LMBRD2: variants seen among roughly 807,000 people sequenced by gnomAD.
LMBRD2 encodes G protein-coupled receptor-associated protein LMBRD2.
LMBRD2 carries 55 observed loss-of-function variants against 94.4 expected under a neutral mutation model. The observed-to-expected ratio is 0.58, with a 90% CI of 0.47 to 0.73. LMBRD2 has a LOEUF of 0.73. LMBRD2 is among the 30% of genes least tolerant of loss of function. The pLI is 0.00. For missense variants in LMBRD2, 640 were observed against 831.9 expected, an observed-to-expected ratio of 0.77 and a Z score of 2.84; for synonymous variants, 246 against 272.4, an observed-to-expected ratio of 0.90 and a Z score of 0.95.
chr5:36,134,266 T>C (rs1017868333), intron 6 of LMBRD2, among the ~76,000 whole-genome samples: 3 of 152,152 alleles, frequency 2.0e-5, no homozygotes, highest in Non-Finnish European at 2.9e-5. Context: ...TCTTACATTT[T>C]GTAGAGAATA....
At chr5:36,128,440 G>C (rs1164852918) in intron 6 of LMBRD2, among the ~76,000 whole-genome samples, 5 of 152,098 alleles carry the variant, frequency 3.3e-5, no homozygotes, top group Admixed American at 6.5e-5. Flanking sequence ...AAGGCACCAG[G>C]GCCAAGTACA....
chr5:36,117,227 G>A (rs111684037), intron 10 of LMBRD2, among the ~76,000 whole-genome samples: 6 of 152,260 alleles, frequency 3.9e-5, no homozygotes, highest in African/African-American at 1.4e-4. Context: ...CCAGGGCCAA[G>A]TGTGATGGAT....
intron 4 of LMBRD2, among the ~76,000 whole-genome samples, chr5:36,138,832 G>C (rs1290138912): frequency 6.6e-6 from 1 of 152,238 alleles, no homozygotes; most frequent in African/African-American, 2.4e-5. Flanking sequence ...AAATGTGCAT[G>C]CTTCGTTGAA....
In LMBRD2 at chr5:36,122,282, A is replaced by G; in HGVS notation, c.1118T>C (p.Phe373Ser). The change falls in exon 9 of 18, where the codon TTT becomes TCT. Residue 373 changes from phenylalanine to serine, a missense_variant and splice_region_variant. Around this residue, in one of 2 missense-constraint regions of LMBRD2, gnomAD observed 457 missense variants for 642.8 expected, o/e 0.71. Transcript: ENST00000296603. ...RFIQYFYNPT[F>S]EWYWECLLRP... ...GAAATTTATATCAAATTACATACCAAATGTAGGATTATAAAAATATTGGAT... is the reference window on the plus strand; with the variant it reads ...GAAATTTATATCAAATTACATACCAGATGTAGGATTATAAAAATATTGGAT... 1 of 1,576,104 alleles carries G rather than the reference A, an allele frequency of 6.3e-7. No individual in the cohort carries two copies. Among genetic ancestry groups the G allele is most frequent in the Non-Finnish European group, 8.6e-7 (1 of 1,164,408 alleles).
intron 1 of LMBRD2, among the ~76,000 whole-genome samples, chr5:36,146,602 C>T (rs187020192): frequency 4.3e-4 from 65 of 152,170 alleles, no homozygotes; most frequent in African/African-American, 1.3e-3. Context: ...GACTCAAATA[C>T]CTGGCTGCAA....
chr5:36,110,889 A>G (rs1032859013), intron 14 of LMBRD2, among the ~76,000 whole-genome samples: 1 of 152,110 alleles, frequency 6.6e-6, no homozygotes, highest in African/African-American at 2.4e-5. Flanking sequence ...AATGATTCCA[A>G]GACCATACAA....
At chr5:36,123,961 A>T (rs1743946520) in intron 7 of LMBRD2, among the ~76,000 whole-genome samples, 3 of 151,862 alleles carry the variant, frequency 2.0e-5, no homozygotes, top group Admixed American at 6.6e-5. Context: ...ATCCTTATAT[A>T]TTACTCAACC....
chr5:36,128,691 C>T (rs1744065526), intron 6 of LMBRD2, among the ~76,000 whole-genome samples: 1 of 151,994 alleles, frequency 6.6e-6, no homozygotes. Flanking sequence ...TGCCACTGCA[C>T]TCCAGCCTGG....
chr5:36,136,260 G>C lies in LMBRD2; in HGVS notation c.747+49C>G, dbSNP rs752791233. ...AACAAACCAAAAATGACTAAAAGGG[G>C]ATACATATGACTTAGTGACTATTGC... On this transcript the variant is annotated intron_variant, in intron 6 of 17. Transcript: ENST00000296603. 5 of 1,543,504 alleles carry C rather than the reference G, an allele frequency of 3.2e-6. No homozygotes were observed. In the East Asian group the frequency reaches 1.1e-4, roughly 35 times the overall value.
chr5:36,099,101 T>C lies in LMBRD2; in HGVS notation c.*4945A>G, dbSNP rs540020479. On this transcript the variant is annotated 3_prime_UTR_variant, in exon 18 of 18. Transcript: ENST00000296603. The stretch of plus-strand genomic sequence containing the variant: ...AATAATTTGCTTGTGTATTGGTATA[T>C]ATAAAAATCACTGACGGGATCTAGG... The C allele has an allele frequency of 2.6e-5, 4 of 152,190 alleles. No homozygotes were observed. The South Asian group carries it at 6.2e-4, about 24-fold the overall frequency. The allele number at this position is 152,190 out of a possible 1,614,324, so 9.4% of individuals were successfully genotyped here.
intron 4 of LMBRD2, among the ~76,000 whole-genome samples, chr5:36,139,318 A>C (rs1014149043): frequency 2.0e-5 from 3 of 152,212 alleles, no homozygotes; most frequent in African/African-American, 7.2e-5. Context: ...ACAAGCACAG[A>C]AGGGAGGCTG....
intron 8 of LMBRD2, 107 bp downstream of exon 8, chr5:36,122,740 AG>A: frequency 7.6e-7 from 1 of 1,323,560 alleles, no homozygotes; most frequent in Non-Finnish European, 1.0e-6. Context: ...ACGGGATTAA[AG>A]GAAGTTTTAA....
chr5:36,109,049 C>T (rs1743541160), intron 15 of LMBRD2, among the ~76,000 whole-genome samples: 1 of 152,088 alleles, frequency 6.6e-6, no homozygotes, highest in Admixed American at 6.6e-5. Flanking sequence ...TGTATACAAA[C>T]ATAATTAGCC....
At chr5:36,142,655 A>G (rs1299229821) in intron 2 of LMBRD2, 56 bp from the exon 3 acceptor site, 1 of 939,190 alleles carries the variant, frequency 1.1e-6, no homozygotes, top group Non-Finnish European at 1.8e-6. Context: ...CCAAGTACTT[A>G]AAGGACATCA....
rs890300289 is a variant in LMBRD2, at chr5:36,101,062, T to G, written c.*2984A>C. On this transcript the variant is annotated 3_prime_UTR_variant, in exon 18 of 18. Coordinates refer to ENST00000296603, the MANE Select transcript of LMBRD2 (RefSeq NM_001007527.2). ...GATTGTCAAATTTTCTGATCTATTC[T>G]TTATAAAGGGAAAACCCTTGAATCT... The G allele has an allele frequency of 2.0e-5, 3 of 151,980 alleles. No homozygotes were observed. The highest frequency in any genetic ancestry group is 1.3e-4 in the Admixed American group (2 of 15,242). The allele number at this position is 151,980 out of a possible 1,614,324, so 9.4% of individuals were successfully genotyped here.
rs1297536979 is a variant in LMBRD2, at chr5:36,100,229, G to T, written c.*3817C>A. ...CTAAATAAATCTTAAATTTTGGGGG[G>T]GAAATCTATTTTTATGTAAAAATAT... On this transcript the variant is annotated 3_prime_UTR_variant, in exon 18 of 18. Coordinates refer to ENST00000296603, the MANE Select transcript of LMBRD2 (RefSeq NM_001007527.2). The T allele has an allele frequency of 6.6e-6, 1 of 151,942 alleles. No homozygotes were observed. The highest frequency in any genetic ancestry group is 2.1e-4 in the South Asian group (1 of 4,826). 9.4% of individuals were successfully genotyped at this position (151,942 alleles called of 1,614,324 possible).
intron 13 of LMBRD2, among the ~76,000 whole-genome samples, chr5:36,113,595 T>C (rs568527434): frequency 6.6e-6 from 1 of 152,216 alleles, no homozygotes; most frequent in Non-Finnish European, 1.5e-5. Context: ...CTCATTACTG[T>C]AATGTTAGTA....
In LMBRD2 at chr5:36,143,240, C is replaced by T. The variant is rs200304600; in HGVS notation, c.110G>A (p.Gly37Glu). ...GCAGAGATACCAAGCAAGCAGTGTT[C>T]CAATAATCACAAGTCTATGCTGTTT... ...FKKQHRLVII[G>E]TLLAWYLCFL... The change falls in exon 2 of 18, where the codon GGA becomes GAA. Residue 37 changes from glycine to glutamate, a missense_variant. This residue lies in a region of LMBRD2 where 457 missense variants were observed against 642.8 expected (regional missense o/e 0.71). Coordinates refer to ENST00000296603, the MANE Select transcript of LMBRD2 (RefSeq NM_001007527.2). 17 of 1,612,928 alleles carry T rather than the reference C, an allele frequency of 1.1e-5. No homozygotes were observed. The East Asian group carries it at 3.6e-4, about 34-fold the overall frequency.
chr5:36,109,443 G>A (rs1743551471), intron 15 of LMBRD2, among the ~76,000 whole-genome samples: 1 of 151,928 alleles, frequency 6.6e-6, no homozygotes, highest in African/African-American at 2.4e-5. Context: ...TACTTTGCCA[G>A]TATATACACC....
Sources: allele counts gnomAD v4.1 joint callset (sites outside exome capture counted in the v4.1 genomes callset), GRCh38; gene constraint gnomAD v4.1.1; regional missense constraint gnomAD v4.1.1; transcripts MANE v1.5; gene names NCBI Gene and HGNC (gene_info 2026-07-23, HGNC 2026-07-21).